Variants in STAG3 observed in about 807,000 individuals in gnomAD.
STAG3 encodes STAG3 cohesin complex component, also known as cohesin subunit SA-3.
In STAG3, 101 loss-of-function variants were observed where a neutral mutation model predicts 160.7. That is an observed-to-expected ratio of 0.63 (90% CI 0.54 to 0.74). The LOEUF is 0.74. Among genes scored for constraint, STAG3 ranks in the 30% least tolerant of loss-of-function variants. The pLI, the probability that STAG3 is intolerant of heterozygous loss-of-function variation, is 0.00. For synonymous variants in STAG3, 519 were observed against 585.0 expected (o/e 0.89, Z 1.63); for missense variants, 1,188 against 1,517.4 (o/e 0.78, Z 3.61).
chr7:100,188,596 C>T (rs968140090), intron 6 of STAG3, 67 bp downstream of exon 6: 18 of 1,304,082 alleles, frequency 1.4e-5, no homozygotes, highest in Middle Eastern at 1.8e-4. Flanking sequence ...TTATCCCCTT[C>T]TTTTTGATTC....
intron 8 of STAG3, among the ~76,000 whole-genome samples, chr7:100,191,823 T>G (rs572506462): frequency 6.6e-6 from 1 of 152,224 alleles, no homozygotes; most frequent in Non-Finnish European, 1.5e-5. Flanking sequence ...TGATGACATT[T>G]TACCCACAGT....
At chr7:100,181,065 G>T (rs1396602031) in intron 2 of STAG3, among the ~76,000 whole-genome samples, 3 of 152,068 alleles carry the variant, frequency 2.0e-5, no homozygotes, top group Non-Finnish European at 4.4e-5. Flanking sequence ...CAACCCTGGT[G>T]GGGGCTGAGA....
chr7:100,210,877 C>G, intron 29 of STAG3, 134 bp from the exon 30 acceptor site: 1 of 944,342 alleles, frequency 1.1e-6, no homozygotes, highest in Non-Finnish European at 1.6e-6. Context: ...TTGAGGGCAA[C>G]AGAATGAAGC....
chr7:100,202,483 GAGCGGCTACACC>G lies in STAG3; in HGVS notation c.2600_2611del (p.Leu867_Arg870del), dbSNP rs1383591209. The G allele has an allele frequency of 1.2e-6, 2 of 1,614,026 alleles. No individual in the cohort carries two copies. ...TTCCCAGGAGGATCATTTACAGATAGAGCGGCTACACCAGCGGCGCCGCCTCCTAGCCGGGTT... is the reference window on the plus strand; with the variant it reads ...TTCCCAGGAGGATCATTTACAGATAGAGCGGCGCCGCCTCCTAGCCGGGTT... On this transcript the variant is annotated inframe_deletion, in exon 25 of 34. Coordinates refer to ENST00000615138, the MANE Select transcript of STAG3 (RefSeq NM_001282717.2).
chr7:100,212,816 T>C (rs1165547736), intron 32 of STAG3: 1 of 151,894 alleles, frequency 6.6e-6, no homozygotes, highest in Non-Finnish European at 1.5e-5. Flanking sequence ...ACTCGGGAGG[T>C]GGAGACAGGA....
At chr7:100,202,637 C>A in intron 25 of STAG3, 47 bp downstream of exon 25, 2 of 1,590,726 alleles carry the variant, frequency 1.3e-6, no homozygotes, top group South Asian at 1.1e-5. Flanking sequence ...GCAAGTTGAG[C>A]ACAGCCATGA....
At chr7:100,193,430 A>G (rs1209793946) in intron 8 of STAG3, among the ~76,000 whole-genome samples, 1 of 152,216 alleles carries the variant, frequency 6.6e-6, no homozygotes, top group Non-Finnish European at 1.5e-5. Context: ...ATTTTCCAAT[A>G]TAAGGCGTTT....
At position 100,182,856 on chromosome 7, in the gene STAG3, C is replaced by T; in HGVS notation, c.336+17C>T. 6.2e-7 allele frequency: 1 copy of T among 1,613,610 alleles called. No homozygotes were observed. Among genetic ancestry groups the T allele is most frequent in the Non-Finnish European group, 8.5e-7 (1 of 1,179,656 alleles). Reference sequence around the variant, plus strand: ...GACATGCAGGTAAAGCAGTGTCTCACCTCTGTTGATACCATCTCACTTTTT... The same window carrying T: ...GACATGCAGGTAAAGCAGTGTCTCATCTCTGTTGATACCATCTCACTTTTT... On this transcript the variant is annotated intron_variant, in intron 4 of 33. Transcript: ENST00000615138.
chr7:100,200,178 A>AC, intron 16 of STAG3, 58 bp from the exon 17 acceptor site: 3 of 1,323,222 alleles, frequency 2.3e-6, no homozygotes, highest in Non-Finnish European at 3.2e-6. Context: ...GACTGCACAC[A>AC]CCCCCTGCAC....
chr7:100,197,897 T>C lies in STAG3; in HGVS notation c.1164+21T>C, dbSNP rs756394251. The C allele has an allele frequency of 5.6e-6, 9 of 1,606,172 alleles. 1 individual carries two copies. The highest frequency in any genetic ancestry group is 3.4e-4 in the Middle Eastern group (2 of 5,962). On this transcript the variant is annotated intron_variant, in intron 11 of 33. Transcript: ENST00000615138. The stretch of plus-strand genomic sequence containing the variant: ...TCAAGGTAAAATGGGTGGTGCTCCA[T>C]GGCTTGGCTCTTTGTCGTGGTTCCT...
intron 16 of STAG3, among the ~76,000 whole-genome samples, chr7:100,199,918 T>C (rs868089142): frequency 1.6e-5 from 2 of 126,698 alleles, no homozygotes; most frequent in Middle Eastern, 7.5e-3. Flanking sequence ...AAAAAAAAAT[T>C]AGCTGGGCGT....
downstream of STAG3, chr7:100,218,825 G>C (rs1299120245): frequency 2.2e-5 from 5 of 228,404 alleles, no homozygotes; most frequent in African/African-American, 6.9e-5. Context: ...ATGAAATACT[G>C]AGATCCTAGA....
At chr7:100,203,487 A>G (rs1487186021) in intron 25 of STAG3, among the ~76,000 whole-genome samples, 1 of 144,498 alleles carries the variant, frequency 6.9e-6, no homozygotes, top group Non-Finnish European at 1.5e-5. Flanking sequence ...GGCCTGTTTC[A>G]TTATTTGTTT....
rs1285667511 is a variant in STAG3 at position 100,205,396 on chromosome 7, T to C, written c.3238+12T>C. ...GAGGCGCGTTGAAGGTAGGGTGCTG[T>C]GTGTGGGTATGGGGGTGCCCAGCAG... On this transcript the variant is annotated intron_variant, in intron 29 of 33. Coordinates refer to ENST00000615138, the MANE Select transcript of STAG3 (RefSeq NM_001282717.2). 1.2e-6 allele frequency: 2 copies of C among 1,605,552 alleles called. No individual in the cohort carries two copies. Among genetic ancestry groups the C allele is most frequent in the Admixed American group, 1.7e-5 (1 of 58,286 alleles).
intron 23 of STAG3, 43 bp from the exon 24 acceptor site, chr7:100,202,129 A>G: frequency 1.2e-6 from 2 of 1,609,308 alleles, no homozygotes; most frequent in South Asian, 1.1e-5. Flanking sequence ...CTACCTTGGG[A>G]AACATTCTGT....
rs564872154 is a variant in STAG3, at chr7:100,186,218, C to T, written c.355C>T (p.Leu119=). The T allele has an allele frequency of 1.5e-4, 241 of 1,613,952 alleles. 7 individuals carry two copies. The South Asian group carries it at 2.5e-3, about 17-fold the overall frequency. The change falls in exon 5 of 34, where the codon CTG becomes TTG. Residue 119 remains leucine (L), a synonymous_variant. Transcript: ENST00000615138. ...SDMQSLVDEW[L]DSYKQDQDAG... ...TCCCTAGTCTTTGGTAGATGAGTGG[C>T]TGGATAGCTACAAGCAAGACCAGGA... is the stretch of plus-strand genomic sequence containing the variant.
chr7:100,215,813 T>TTG (rs1802707863), downstream of STAG3, among the ~76,000 whole-genome samples: 1 of 152,156 alleles, frequency 6.6e-6, no homozygotes, highest in Admixed American at 6.5e-5. Flanking sequence ...AATATGGGCT[T>TTG]TGTGATGCTT....
At chr7:100,208,528 A>G (rs370221108) in intron 29 of STAG3, among the ~76,000 whole-genome samples, 26 of 152,360 alleles carry the variant, frequency 1.7e-4, no homozygotes, top group African/African-American at 6.0e-4. Context: ...AAAATAAGTA[A>G]GATTTTTATA....
intron 4 of STAG3, among the ~76,000 whole-genome samples, chr7:100,183,326 G>T (rs1799774399): frequency 6.6e-6 from 1 of 152,144 alleles, no homozygotes; most frequent in Non-Finnish European, 1.5e-5. Context: ...GAGAGAGCAT[G>T]TTCTTTTCTT....
Sources: gnomAD v4.1 joint callset for allele counts (sites outside exome capture counted in the v4.1 genomes callset) on GRCh38, gnomAD v4.1.1 for gene constraint, MANE v1.5 for transcripts, NCBI Gene and HGNC (gene_info 2026-07-23, HGNC 2026-07-21) for gene names.